EGLN1: variants seen among roughly 807,000 people sequenced by gnomAD.
EGLN1 encodes egl nine homolog 1.
A neutral mutation model predicts 38.3 loss-of-function variants in EGLN1; 17 were observed. The ratio of observed to expected loss-of-function variants is 0.44; its 90% CI spans 0.30 to 0.67. The LOEUF (loss-of-function observed/expected upper bound fraction) is 0.67, where lower values mean the gene tolerates loss of function less well. Ranked by LOEUF, EGLN1 falls within the 30% of genes least tolerant of loss-of-function variation. The probability of loss-of-function intolerance (pLI) is 0.08; values close to 1 mark genes in which losing one functional copy is unlikely to be tolerated. For synonymous variants in EGLN1, 283 were observed against 257.5 expected (o/e 1.10, Z -0.95); for missense variants, 477 against 603.3 (o/e 0.79, Z 2.19).
At chr1:231,403,011 T>C (rs1688701035) in intron 1 of EGLN1, among the ~76,000 whole-genome samples, 2 of 152,188 alleles carry the variant, frequency 1.3e-5, no homozygotes, top group Admixed American at 1.3e-4. Context: ...CCATAGGTTA[T>C]TTAGAAATTC....
chr1:231,392,961 G>C (rs1050047566), intron 1 of EGLN1, among the ~76,000 whole-genome samples: 2 of 152,316 alleles, frequency 1.3e-5, no homozygotes, highest in African/African-American at 2.4e-5. Flanking sequence ...GGGTGGACAT[G>C]TGGCTCAAGC....
intron 1 of EGLN1, among the ~76,000 whole-genome samples, chr1:231,415,784 A>G (rs1295319429): frequency 6.6e-6 from 1 of 152,232 alleles, no homozygotes; most frequent in African/African-American, 2.4e-5. Context: ...TGGACTAAGG[A>G]TACAGAAACC....
At chr1:231,380,860 T>C (rs1467209844) in intron 1 of EGLN1, among the ~76,000 whole-genome samples, 1 of 152,222 alleles carries the variant, frequency 6.6e-6, no homozygotes, top group Non-Finnish European at 1.5e-5. Flanking sequence ...ATTTAATTCT[T>C]CAACTGCTTG....
intron 1 of EGLN1, among the ~76,000 whole-genome samples, chr1:231,396,506 C>T (rs1288100296): frequency 6.6e-6 from 1 of 152,136 alleles, no homozygotes; most frequent in East Asian, 1.9e-4. Flanking sequence ...CCTCCCTCAG[C>T]CTCCCAAAGT....
At chr1:231,391,095 T>C (rs1688365931) in intron 1 of EGLN1, among the ~76,000 whole-genome samples, 1 of 60,420 alleles carries the variant, frequency 1.7e-5, no homozygotes, top group South Asian at 5.3e-4. Flanking sequence ...TTTTTTTTTG[T>C]GTGTGTGTGT....
intron 1 of EGLN1, among the ~76,000 whole-genome samples, chr1:231,420,754 C>A (rs1656558266): frequency 6.6e-6 from 1 of 152,142 alleles, no homozygotes; most frequent in Non-Finnish European, 1.5e-5. Flanking sequence ...AGTCAAAAAA[C>A]CATGCAATTA....
intron 1 of EGLN1, among the ~76,000 whole-genome samples, chr1:231,400,642 CT>C (rs1471814555): frequency 1.3e-5 from 2 of 152,098 alleles, no homozygotes; most frequent in African/African-American, 4.8e-5. Context: ...TGGGTTTTTC[CT>C]TGAGTGTGAG....
intron 1 of EGLN1, 57 bp downstream of exon 1, chr1:231,420,941 G>T: frequency 6.2e-7 from 1 of 1,613,448 alleles, no homozygotes; most frequent in Non-Finnish European, 8.5e-7. Flanking sequence ...TCAGTCGCAG[G>T]CAGGGGCTGC....
Position 231,400,351 on chromosome 1 carries a change from C to T in EGLN1, c.891+20647G>A, listed in dbSNP as rs964062110. Among the ~76,000 whole-genome samples, 5 of 152,172 alleles carry T rather than the reference C, an allele frequency of 3.3e-5. No homozygotes were observed. In the South Asian group the frequency reaches 1.0e-3, roughly 32 times the overall value. On this transcript the variant is annotated intron_variant, in intron 1 of 4. Transcript: ENST00000366641. Reference sequence around the variant, plus strand: ...AATTTTAAGGAGCTATGAGTCTTCACCTCAGATTCAGAATCTCTGATTCAG... The same window carrying T: ...AATTTTAAGGAGCTATGAGTCTTCATCTCAGATTCAGAATCTCTGATTCAG...
Position 231,421,381 on chromosome 1 carries a change from C to G in EGLN1, c.508G>C (p.Gly170Arg). 1 of 1,607,430 alleles carries G rather than the reference C, an allele frequency of 6.2e-7. No individual in the cohort carries two copies. The highest frequency in any genetic ancestry group is 8.5e-7 in the Non-Finnish European group (1 of 1,176,628). ...ANLYPPSNTPGDALSPGGGLR... is the reference protein window; with the variant it reads ...ANLYPPSNTPRDALSPGGGLR... ...CCGCCGCCGGGGCTCAGCGCATCCC[C>G]GGGCGTGTTGCTTGGGGGGTACAGG... The change falls in exon 1 of 5, where the codon GGG (glycine) becomes CGG (arginine). Residue 170 changes from glycine to arginine, a missense_variant. Gly to Arg is a moderately radical substitution (Grantham distance 125). Around this residue, in one of 4 missense-constraint regions of EGLN1, gnomAD observed 298 missense variants for 288.9 expected, o/e 1.03. Transcript: ENST00000366641. The surrounding 1 kb of genome is among the most constrained non-coding windows in gnomAD (Gnocchi z 5.5).
At chr1:231,413,458 C>T (rs1422076889) in intron 1 of EGLN1, among the ~76,000 whole-genome samples, 1 of 152,156 alleles carries the variant, frequency 6.6e-6, no homozygotes, top group African/African-American at 2.4e-5. Context: ...AACTAATTTC[C>T]CACTTCATTC....
intron 4 of EGLN1, 23 bp from the exon 5 acceptor site, chr1:231,366,498 A>AAAG: frequency 7.6e-7 from 1 of 1,308,604 alleles, no homozygotes; most frequent in Non-Finnish European, 1.1e-6. Context: ...AAAAAAAAAA[A>AAAG]TTTTCATTCA....
Position 231,378,420 on chromosome 1 carries a change from T to C in EGLN1, c.892-4321A>G, listed in dbSNP as rs533562044. Among the ~76,000 whole-genome samples the C allele has an allele frequency of 5.3e-5, 8 of 152,210 alleles. No homozygotes were observed. The South Asian group carries it at 1.7e-3, about 32-fold the overall frequency. On this transcript the variant is annotated intron_variant, in intron 1 of 4. Transcript: ENST00000366641. ...ACATAAACAAAACAAAACAATACTA[T>C]TTTTTTCTTTTCTGATATGAAAATA...
At chr1:231,373,124 T>C (rs1383565719) in intron 2 of EGLN1, among the ~76,000 whole-genome samples, 1 of 152,188 alleles carries the variant, frequency 6.6e-6, no homozygotes, top group Non-Finnish European at 1.5e-5. Context: ...ATTAAGGAAA[T>C]ATATATTTAA....
At chr1:231,370,167 T>C (rs1460979975) in intron 3 of EGLN1, among the ~76,000 whole-genome samples, 3 of 152,238 alleles carry the variant, frequency 2.0e-5, no homozygotes, top group South Asian at 2.1e-4. Flanking sequence ...CATTTTCCTA[T>C]GTTGTCCCTC....
At chr1:231,379,254 C>T (rs1688026312) in intron 1 of EGLN1, among the ~76,000 whole-genome samples, 2 of 152,210 alleles carry the variant, frequency 1.3e-5, no homozygotes, top group African/African-American at 4.8e-5. Flanking sequence ...CCACCTGCTG[C>T]AGTGGCACAT....
At chr1:231,382,092 A>G (rs1370182524) in intron 1 of EGLN1, among the ~76,000 whole-genome samples, 1 of 152,234 alleles carries the variant, frequency 6.6e-6, no homozygotes, top group African/African-American at 2.4e-5. Flanking sequence ...AAAAACAAAA[A>G]TACAAACAGA....
chr1:231,412,072 T>G (rs971217707), intron 1 of EGLN1, among the ~76,000 whole-genome samples: 1 of 148,324 alleles, frequency 6.7e-6, no homozygotes, highest in African/African-American at 2.5e-5. Context: ...ATATTCTAAT[T>G]TTAATAGTAC....
intron 1 of EGLN1, among the ~76,000 whole-genome samples, chr1:231,391,185 AAGTGAT>A (rs1688374905): frequency 2.7e-5 from 4 of 150,448 alleles, no homozygotes; most frequent in East Asian, 2.0e-4. Flanking sequence ...TCATGGGCTC[AAGTGAT>A]CCTCCCATCT....
Sources: allele counts gnomAD v4.1 joint callset (sites outside exome capture counted in the v4.1 genomes callset), GRCh38; gene constraint gnomAD v4.1.1; regional missense constraint gnomAD v4.1.1; non-coding constraint Gnocchi (gnomAD v3.1); transcripts MANE v1.5; gene names NCBI Gene and HGNC (gene_info 2026-07-23, HGNC 2026-07-21).